Variants in STEAP2 observed in about 807,000 individuals in gnomAD.
The protein encoded by STEAP2 is STEAP2 metalloreductase, also known as metalloreductase STEAP2.
A neutral mutation model predicts 46.4 loss-of-function variants in STEAP2; 30 were observed. The ratio of observed to expected loss-of-function variants is 0.65; its 90% CI spans 0.48 to 0.88. STEAP2 has a LOEUF of 0.88. Among genes scored for constraint, STEAP2 ranks in the 40% least tolerant of loss-of-function variants. The probability of loss-of-function intolerance (pLI) is 0.00; values close to 1 mark genes in which losing one functional copy is unlikely to be tolerated. For missense variants in STEAP2, 513 were observed against 579.3 expected (o/e 0.89, Z 1.18); for synonymous variants, 180 against 200.5 (o/e 0.90, Z 0.86).
intron 2 of STEAP2, among the ~76,000 whole-genome samples, chr7:90,222,969 T>G (rs1795315514): frequency 6.6e-6 from 1 of 152,174 alleles, no homozygotes; most frequent in Non-Finnish European, 1.5e-5. Flanking sequence ...GTATTTTTCT[T>G]TCAGACCCAA....
In STEAP2 at chr7:90,224,849, G is replaced by A. The variant is rs916454729; in HGVS notation, c.-33-201G>A. ...TGACAGTTAATTTTCCTATTGAGATGCTTTTTTAAAAGCCAAAAGATTTAT... is the reference window on the plus strand; with the variant it reads ...TGACAGTTAATTTTCCTATTGAGATACTTTTTTAAAAGCCAAAAGATTTAT... On this transcript the variant is annotated intron_variant, in intron 2 of 5. Transcript: ENST00000394621. 2.0e-5 allele frequency among the ~76,000 whole-genome samples: 3 copies of A among 152,174 alleles called. No individual in the cohort carries two copies. In the East Asian group the frequency reaches 5.8e-4, roughly 29 times the overall value.
chr7:90,212,866 T>C (rs1794876338), intron 1 of STEAP2, among the ~76,000 whole-genome samples: 1 of 130,442 alleles, frequency 7.7e-6, no homozygotes. Context: ...TTCTGGTCCT[T>C]TTAACAGCCC....
chr7:90,213,231 TA>T (rs1296461515), intron 1 of STEAP2, among the ~76,000 whole-genome samples: 1 of 152,132 alleles, frequency 6.6e-6, no homozygotes, highest in Non-Finnish European at 1.5e-5. Flanking sequence ...AATTGTGCAG[TA>T]AGGAAATGAA....
At chr7:90,240,297 A>T (rs1445921830), downstream of STEAP2, among the ~76,000 whole-genome samples, 1 of 152,046 alleles carries the variant, frequency 6.6e-6, no homozygotes, top group Admixed American at 6.6e-5. This position sits in a 1 kb window ranked among gnomAD's most constrained non-coding sequence, Gnocchi z 4.1. Flanking sequence ...AAAAAAAATT[A>T]AGTATAATAA....
chr7:90,232,282 T>C, intron 5 of STEAP2, 55 bp from the exon 6 acceptor site: 2 of 1,471,100 alleles, frequency 1.4e-6, no homozygotes, highest in Non-Finnish European at 1.8e-6. Context: ...AATTTATGAG[T>C]TTCAGTCATT....
At chr7:90,226,241 T>A (rs961564290) in intron 3 of STEAP2, among the ~76,000 whole-genome samples, 3 of 152,124 alleles carry the variant, frequency 2.0e-5, no homozygotes, top group African/African-American at 7.2e-5. Flanking sequence ...CAGAAAAAAA[T>A]GTGGAACAGT....
chr7:90,236,835 T>C lies in STEAP2; in HGVS notation c.*4211T>C. ...TAAATCACAAAAGCAGATGCTTTTG[T>C]ATGATCTCCAAATTGCCAACTTTAA... On this transcript the variant is annotated 3_prime_UTR_variant, in exon 6 of 6. Transcript: ENST00000394621. The C allele has an allele frequency of 1.2e-6, 2 of 1,609,350 alleles. No homozygotes were observed. Among genetic ancestry groups the C allele is most frequent in the Non-Finnish European group, 1.7e-6 (2 of 1,177,864 alleles).
At chr7:90,218,907 G>A (rs2116190748) in intron 2 of STEAP2, among the ~76,000 whole-genome samples, 1 of 152,196 alleles carries the variant, frequency 6.6e-6, no homozygotes, top group South Asian at 2.1e-4. Context: ...CATAAGCATG[G>A]AATGTTTTTC....
Position 90,233,667 on chromosome 7 carries a change from G to C in STEAP2, c.*1043G>C, listed in dbSNP as rs188599137. ...ACATGAGGGACCGAAGGATAGAAAA[G>C]TTATTTTTCAAAGGTCTTGCAGTTA... On this transcript the variant is annotated 3_prime_UTR_variant, in exon 6 of 6. Coordinates refer to ENST00000394621, the MANE Select transcript of STEAP2 (RefSeq NM_001244944.2). 7 of 909,652 alleles carry C rather than the reference G, an allele frequency of 7.7e-6. No homozygotes were observed. In the Admixed American group the frequency reaches 4.3e-4, roughly 56 times the overall value. 56.3% of individuals were successfully genotyped at this position (909,652 alleles called of 1,614,324 possible). A position where few individuals can be genotyped will look rare whatever the true frequency, so the allele number is the denominator to read the frequency against.
chr7:90,216,159 C>T (rs1795002794), intron 1 of STEAP2: 1 of 152,316 alleles, frequency 6.6e-6, no homozygotes, highest in East Asian at 1.9e-4. Flanking sequence ...CTGTGGACAT[C>T]ACCTGGGAGC....
At chr7:90,220,017 A>T (rs1014221549) in intron 2 of STEAP2, among the ~76,000 whole-genome samples, 46 of 152,092 alleles carry the variant, frequency 3.0e-4, no homozygotes, top group African/African-American at 1.1e-3. Flanking sequence ...ATAAGCCATC[A>T]TGTCTGGCCC....
chr7:90,232,340 A>G lies in STEAP2; in HGVS notation c.1189A>G (p.Thr397Ala), dbSNP rs1795788181. Reference sequence around the variant, plus strand: ...TTCCTTCCTCTCCTGGCCCAAGTCTACACTTGGATATGTCGCTCTGCTCAT... The same window carrying G: ...TTCCTTCCTCTCCTGGCCCAAGTCTGCACTTGGATATGTCGCTCTGCTCAT... ...NWREFSFIQS[T>A]LGYVALLIST... is the part of the protein sequence containing the mutation. The change falls in exon 6 of 6, where the codon ACA (threonine) becomes GCA (alanine). Residue 397 changes from threonine to alanine, a missense_variant. Physicochemically the swap from Thr to Ala is moderately conservative, Grantham distance 58 (BLOSUM62 0). Transcript: ENST00000394621. 1.1e-5 allele frequency: 18 copies of G among 1,595,432 alleles called. No individual in the cohort carries two copies. The highest frequency in any genetic ancestry group is 1.5e-5 in the Non-Finnish European group (18 of 1,169,152).
Position 90,233,575 on chromosome 7 carries a change from A to T in STEAP2, c.*951A>T. 1.0e-6 allele frequency: 1 copy of T among 959,142 alleles called. No homozygotes were observed. The highest frequency in any genetic ancestry group is 1.2e-6 in the Non-Finnish European group (1 of 806,020). 59.4% of individuals were successfully genotyped at this position (959,142 alleles called of 1,614,324 possible). ...TGCTAGGCATGGTTCTAAGTACTTT[A>T]CTTGTATTATCCCATTTAATACTTA... On this transcript the variant is annotated 3_prime_UTR_variant, in exon 6 of 6. Coordinates refer to ENST00000394621, the MANE Select transcript of STEAP2 (RefSeq NM_001244944.2).
Position 90,227,018 on chromosome 7 carries a change from AC to A in STEAP2, c.541del (p.Ala182ProfsTer4). The A allele has an allele frequency of 6.2e-7, 1 of 1,610,670 alleles. No individual in the cohort carries two copies. The highest frequency in any genetic ancestry group is 8.5e-7 in the Non-Finnish European group (1 of 1,178,854). On this transcript the variant is annotated frameshift_variant, in exon 4 of 6. Coordinates refer to ENST00000394621, the MANE Select transcript of STEAP2 (RefSeq NM_001244944.2). ...TTCAAGCGCGACAACAGGTTATTGA[AC>A]TTGCCCGCCAGTTGAATTTCATTCC... ...NIQARQQVIE[L>X]ARQLNFIPID...
downstream of STEAP2, among the ~76,000 whole-genome samples, chr7:90,241,791 C>A (rs1207359594): frequency 6.6e-6 from 1 of 152,134 alleles, no homozygotes; most frequent in African/African-American, 2.4e-5. Flanking sequence ...CAGTTGATAC[C>A]ATTAAGTATG....
In STEAP2 at chr7:90,227,486, G is replaced by A. The variant is rs371802306; in HGVS notation, c.1008G>A (p.Met336Ile). 7 of 1,581,446 alleles carry A rather than the reference G, an allele frequency of 4.4e-6. No individual in the cohort carries two copies. The highest frequency in any genetic ancestry group is 1.4e-5 in the African/African-American group (1 of 73,980). ...RRSERYLFLN[M>I]AYQQVHANIE... is the part of the protein sequence containing the mutation. ...CAGAGAGATATTTGTTTCTCAACAT[G>A]GCTTATCAGCAGGTACTGAATGTGC... The change falls in exon 4 of 6, where the codon ATG (methionine) becomes ATA (isoleucine). Residue 336 changes from methionine (M) to isoleucine (I), a missense_variant. By Grantham distance (10) the Met-to-Ile change is conservative. Transcript: ENST00000394621.
intron 3 of STEAP2, among the ~76,000 whole-genome samples, chr7:90,226,273 C>T (rs1346670166): frequency 4.6e-5 from 7 of 152,092 alleles, no homozygotes; most frequent in African/African-American, 1.7e-4. Flanking sequence ...AAATGAGCTA[C>T]AGAAATAGTC....
chr7:90,238,413 T>C (rs1184052866), downstream of STEAP2, among the ~76,000 whole-genome samples: 2 of 152,232 alleles, frequency 1.3e-5, no homozygotes, highest in African/African-American at 2.4e-5. Context: ...TTTCTAAATC[T>C]GGCAACCCTA....
chr7:90,230,886 C>T (rs1031014018), intron 5 of STEAP2, among the ~76,000 whole-genome samples: 7 of 151,370 alleles, frequency 4.6e-5, no homozygotes, highest in African/African-American at 1.5e-4. Context: ...TCATTCAAAG[C>T]AGGGCCAAAA....
Sources: gnomAD v4.1 joint callset for allele counts (sites outside exome capture counted in the v4.1 genomes callset) on GRCh38, gnomAD v4.1.1 for gene constraint, Gnocchi (gnomAD v3.1) non-coding constraint, MANE v1.5 for transcripts, NCBI Gene and HGNC (gene_info 2026-07-23, HGNC 2026-07-21) for gene names.